The following ABCA13 variants were observed in gnomAD, a reference collection of about 807,000 sequenced individuals.
ABCA13 encodes the protein ATP-binding cassette sub-family A member 13.
In ABCA13, 476 loss-of-function variants were observed where a neutral mutation model predicts 478.7. The ratio of observed to expected loss-of-function variants is 0.99; its 90% CI spans 0.92 to 1.07. ABCA13 has a LOEUF of 1.07. Ranked by LOEUF, ABCA13 falls within the 50% of genes least tolerant of loss-of-function variation. The pLI is 0.00. For missense variants in ABCA13, 6,060 were observed against 5,910.6 expected (o/e 1.03, Z -0.83); for synonymous variants, 2,252 against 2,158.9 (o/e 1.04, Z -1.20).
At chr7:48,235,365 A>T (rs1418960229) in intron 8 of ABCA13, among the ~76,000 whole-genome samples, 1 of 152,198 alleles carries the variant, frequency 6.6e-6, no homozygotes, top group African/African-American at 2.4e-5. Flanking sequence ...TCATTATATT[A>T]TAGTTTGAGT....
chr7:48,240,999 G>T lies in ABCA13; in HGVS notation c.1195G>T (p.Ala399Ser), dbSNP rs2129013689. 1 of 1,614,038 alleles carries T rather than the reference G, an allele frequency of 6.2e-7. No individual in the cohort carries two copies. Among genetic ancestry groups the T allele is most frequent in the East Asian group, 2.2e-5 (1 of 44,890 alleles). ...PWKVVEALHT[A>S]LLLLNDSLSA... ...GAAGGTGGTGGAAGCTCTGCACACT[G>T]CACTGCTCCTGCTGAATGACAGCTT... The change falls in exon 10 of 62, where the codon GCA (alanine) becomes TCA (serine). Residue 399 changes from alanine to serine, a missense_variant. Physicochemically the swap from Ala to Ser is moderately conservative, Grantham distance 99. Transcript: ENST00000435803.
chr7:48,182,355 A>G (rs1485376706), intron 1 of ABCA13, among the ~76,000 whole-genome samples: 2 of 152,216 alleles, frequency 1.3e-5, no homozygotes, highest in African/African-American at 2.4e-5. Flanking sequence ...CTCATTAAAA[A>G]TCTATCAAAT....
chr7:48,211,660 G>T (rs187361584), intron 3 of ABCA13, among the ~76,000 whole-genome samples: 2 of 152,090 alleles, frequency 1.3e-5, no homozygotes, highest in Admixed American at 6.5e-5. Flanking sequence ...AAGGTTCAAG[G>T]TCACCTTACT....
chr7:48,225,005 C>CA (rs1323338078), intron 5 of ABCA13, among the ~76,000 whole-genome samples: 2 of 151,852 alleles, frequency 1.3e-5, no homozygotes, highest in Middle Eastern at 3.4e-3. Context: ...TTTTTAGAGA[C>CA]AAAAAATGCT....
chr7:48,603,308 G>A (rs888317290), intron 58 of ABCA13, among the ~76,000 whole-genome samples: 4 of 152,018 alleles, frequency 2.6e-5, no homozygotes, highest in African/African-American at 4.8e-5. Flanking sequence ...ATCTTGTGCT[G>A]GTTTTCAAAG....
At chr7:48,334,315 A>G (rs1805866512) in intron 27 of ABCA13, among the ~76,000 whole-genome samples, 1 of 150,154 alleles carries the variant, frequency 6.7e-6, no homozygotes, top group Non-Finnish European at 1.5e-5. Flanking sequence ...TTGTCTTAAT[A>G]CTTACAAGAG....
rs1331759867 is a variant in ABCA13, at chr7:48,506,327, C to T, written c.13292-9C>T. 3 of 1,613,640 alleles carry T rather than the reference C, an allele frequency of 1.9e-6. No individual in the cohort carries two copies. Among genetic ancestry groups the T allele is most frequent in the Non-Finnish European group, 2.5e-6 (3 of 1,179,662 alleles). ...GCTGAAGGCTCACTTTTCAATTTGT[C>T]TTTCACAGGAATAACACTCTACAGC... On this transcript the variant is annotated splice_polypyrimidine_tract_variant and intron_variant, in intron 48 of 61. Transcript: ENST00000435803.
chr7:48,497,289 T>A (rs1176294695), intron 48 of ABCA13, among the ~76,000 whole-genome samples: 2 of 152,346 alleles, frequency 1.3e-5, no homozygotes, highest in East Asian at 3.8e-4. Context: ...ATTCATTTTT[T>A]AATCATTTAT....
intron 41 of ABCA13, among the ~76,000 whole-genome samples, chr7:48,420,079 G>A (rs1242045583): frequency 1.3e-5 from 2 of 152,148 alleles, no homozygotes; most frequent in Non-Finnish European, 2.9e-5. Flanking sequence ...AGTTAGCATG[G>A]CTGTTGTAGC....
chr7:48,334,671 T>G (rs1279504715), intron 27 of ABCA13, among the ~76,000 whole-genome samples: 3 of 152,052 alleles, frequency 2.0e-5, no homozygotes, highest in East Asian at 3.9e-4. Flanking sequence ...AAGCTGAGAG[T>G]TCAAGGTTTT....
intron 43 of ABCA13, among the ~76,000 whole-genome samples, chr7:48,456,848 T>G (rs1476940348): frequency 6.6e-6 from 1 of 152,164 alleles, no homozygotes. Flanking sequence ...TATAACAATC[T>G]TTATTTAGTT....
intron 31 of ABCA13, among the ~76,000 whole-genome samples, chr7:48,360,536 T>C (rs1037188946): frequency 3.3e-5 from 5 of 152,046 alleles, no homozygotes; most frequent in African/African-American, 1.2e-4. Context: ...TTTGTGTGTA[T>C]GTTTTTTATT....
chr7:48,177,400 G>T (rs951529349), intron 1 of ABCA13, among the ~76,000 whole-genome samples: 12 of 152,186 alleles, frequency 7.9e-5, no homozygotes, highest in Admixed American at 7.9e-4. Context: ...ACTGGCTGCG[G>T]GTCAGTAGTG....
chr7:48,540,977 G>T (rs1047478205), intron 55 of ABCA13, among the ~76,000 whole-genome samples: 11 of 152,110 alleles, frequency 7.2e-5, no homozygotes, highest in African/African-American at 2.7e-4. Flanking sequence ...CCCAGAGGAA[G>T]TGAAGACAAG....
At chr7:48,502,239 T>G (rs1444325838) in intron 48 of ABCA13, among the ~76,000 whole-genome samples, 1 of 152,144 alleles carries the variant, frequency 6.6e-6, no homozygotes, top group Non-Finnish European at 1.5e-5. Context: ...GGAGACCAGA[T>G]GTACTCTCGC....
chr7:48,564,180 A>G (rs114703901), intron 55 of ABCA13, among the ~76,000 whole-genome samples: 5 of 152,128 alleles, frequency 3.3e-5, no homozygotes, highest in African/African-American at 1.2e-4. Context: ...AATCTAGCAC[A>G]TTGATTTGGT....
chr7:48,211,057 A>G (rs1475694096), intron 3 of ABCA13, among the ~76,000 whole-genome samples: 1 of 152,146 alleles, frequency 6.6e-6, no homozygotes, highest in East Asian at 1.9e-4. Flanking sequence ...TTATATTTAT[A>G]TTACATTTCG....
In ABCA13 at chr7:48,273,400, T is replaced by C; in HGVS notation, c.3734T>C (p.Val1245Ala). 2 of 1,613,456 alleles carry C rather than the reference T, an allele frequency of 1.2e-6. No individual in the cohort carries two copies. Among genetic ancestry groups the C allele is most frequent in the Non-Finnish European group, 1.7e-6 (2 of 1,179,674 alleles). ...LVALGNALVS[V>A]KKLNLEQVEK... ...GCTTTAGGTAATGCATTAGTTTCAG[T>C]AAAAAAACTTAACTTGGAGCAAGTG... The change falls in exon 17 of 62, where the codon GTA becomes GCA. Residue 1245 changes from valine (V) to alanine (A), a missense_variant. Physicochemically the swap from Val to Ala is moderately conservative, Grantham distance 64. Transcript: ENST00000435803.
chr7:48,190,908 TTA>T (rs1336024289), intron 1 of ABCA13, among the ~76,000 whole-genome samples: 3 of 152,152 alleles, frequency 2.0e-5, no homozygotes, highest in Non-Finnish European at 4.4e-5. Context: ...ATGTCAAAAG[TTA>T]TATGAGTCTT....
Sources: gnomAD v4.1 joint callset for allele counts (sites outside exome capture counted in the v4.1 genomes callset) on GRCh38, gnomAD v4.1.1 for gene constraint, MANE v1.5 for transcripts, NCBI Gene and HGNC (gene_info 2026-07-23, HGNC 2026-07-21) for gene names.